The following DNAJB14 variants were observed in gnomAD, a reference collection of about 807,000 sequenced individuals.
DNAJB14 encodes the protein DnaJ heat shock protein family (Hsp40) member B14.
Under a neutral mutation model 48.4 loss-of-function variants are expected in DNAJB14, and 22 were observed. That is an observed-to-expected ratio of 0.45 (90% confidence interval 0.32 to 0.65). The LOEUF is 0.65. Ranked by LOEUF, DNAJB14 falls within the 30% of genes least tolerant of loss-of-function variation. DNAJB14 has a pLI of 0.03. For synonymous variants in DNAJB14, 142 were observed against 158.7 expected, an observed-to-expected ratio of 0.89 and a Z score of 0.79; for missense variants, 319 against 458.8, an observed-to-expected ratio of 0.70 and a Z score of 2.78.
chr4:99,899,214 G>A lies in DNAJB14; in HGVS notation c.*1814C>T, dbSNP rs1303177467. ...TCACAGAATTATCAGCCATAATAGT[G>A]TAAATTTGCCATTAAAATTAGAAAA... On this transcript the variant is annotated 3_prime_UTR_variant, in exon 8 of 8. Coordinates refer to ENST00000442697, the MANE Select transcript of DNAJB14 (RefSeq NM_001031723.4). 2 of 151,790 alleles carry A rather than the reference G, an allele frequency of 1.3e-5. No homozygotes were observed. The highest frequency in any genetic ancestry group is 4.8e-5 in the African/African-American group (2 of 41,368). The allele number at this position is 151,790 out of a possible 1,614,324, so 9.4% of individuals were successfully genotyped here.
chr4:99,931,118 A>G (rs1407675081), intron 1 of DNAJB14, among the ~76,000 whole-genome samples: 1 of 152,228 alleles, frequency 6.6e-6, no homozygotes, highest in South Asian at 2.1e-4. Context: ...TCCAACAAAT[A>G]GAAAATTTAT....
intron 3 of DNAJB14, among the ~76,000 whole-genome samples, chr4:99,913,722 T>G (rs549572782): frequency 6.6e-6 from 1 of 152,202 alleles, no homozygotes; most frequent in Admixed American, 6.5e-5. Flanking sequence ...TCTTCTATTT[T>G]CTGGAAGAGA....
intron 1 of DNAJB14, among the ~76,000 whole-genome samples, chr4:99,939,393 C>G (rs574642915): frequency 1.1e-4 from 17 of 152,214 alleles, no homozygotes; most frequent in Non-Finnish European, 2.2e-4. Context: ...TAAAATAAAA[C>G]AAAATAAATA....
At chr4:99,935,822 C>T (rs1270908855) in intron 1 of DNAJB14, among the ~76,000 whole-genome samples, 1 of 152,162 alleles carries the variant, frequency 6.6e-6, no homozygotes, top group Non-Finnish European at 1.5e-5. Flanking sequence ...AATCCCAGCA[C>T]TTTAGGAGGC....
chr4:99,903,592 T>G (rs569751408), intron 7 of DNAJB14, 134 bp downstream of exon 7: 36 of 888,562 alleles, frequency 4.1e-5, no homozygotes, highest in East Asian at 1.4e-4. Flanking sequence ...ATAAAACACA[T>G]GATCTCATTT....
chr4:99,925,045 T>C, intron 2 of DNAJB14: 2 of 478,042 alleles, frequency 4.2e-6, no homozygotes, highest in Non-Finnish European at 3.7e-6. Context: ...TACACTGTCA[T>C]CCCTTGGTAT....
chr4:99,901,295 C>T, intron 7 of DNAJB14, 143 bp from the exon 8 acceptor site: 1 of 751,256 alleles, frequency 1.3e-6, no homozygotes. Context: ...TCCTAAAAGC[C>T]ATTTTAGTAG....
At chr4:99,943,360 G>C (rs964083229) in intron 1 of DNAJB14, among the ~76,000 whole-genome samples, 1 of 152,136 alleles carries the variant, frequency 6.6e-6, no homozygotes, top group South Asian at 2.1e-4. Flanking sequence ...CAACATTCAT[G>C]TCCTTAAGAG....
intron 4 of DNAJB14, among the ~76,000 whole-genome samples, chr4:99,907,539 C>T (rs1450150587): frequency 6.6e-6 from 1 of 151,980 alleles, no homozygotes. Flanking sequence ...ATTAGCCAGA[C>T]ATGTGGTACA....
At chr4:99,929,965 A>G (rs2110214696) in intron 2 of DNAJB14, 1 of 152,314 alleles carries the variant, frequency 6.6e-6, no homozygotes, top group East Asian at 1.9e-4. Context: ...TTTCAACTCT[A>G]ACATTTCTGC....
intron 3 of DNAJB14, among the ~76,000 whole-genome samples, chr4:99,912,661 T>G (rs1387539905): frequency 1.3e-5 from 2 of 152,180 alleles, no homozygotes; most frequent in African/African-American, 2.4e-5. Context: ...GTACTTTTAG[T>G]AGAGATGGGG....
intron 3 of DNAJB14, among the ~76,000 whole-genome samples, chr4:99,918,401 A>T (rs1426870511): frequency 6.6e-6 from 1 of 152,252 alleles, no homozygotes; most frequent in Non-Finnish European, 1.5e-5. Context: ...AAACATTTAT[A>T]TGATCATAAA....
At chr4:99,931,484 AC>A (rs1726465089) in intron 1 of DNAJB14, among the ~76,000 whole-genome samples, 1 of 152,106 alleles carries the variant, frequency 6.6e-6, no homozygotes, top group Non-Finnish European at 1.5e-5. Flanking sequence ...AACATAAAAA[AC>A]ATTAACAAAA....
At chr4:99,902,676 C>T (rs1004918310) in intron 7 of DNAJB14, among the ~76,000 whole-genome samples, 1 of 152,066 alleles carries the variant, frequency 6.6e-6, no homozygotes, top group Non-Finnish European at 1.5e-5. Context: ...TACTTTATTG[C>T]CTGATTTAAT....
chr4:99,923,967 G>T, intron 2 of DNAJB14: 1 of 673,058 alleles, frequency 1.5e-6, no homozygotes, highest in Non-Finnish European at 1.8e-6. Flanking sequence ...CATTTCTAAA[G>T]ATTATATACA....
chr4:99,922,982 G>A (rs577560307), intron 3 of DNAJB14, 58 bp downstream of exon 3: 20 of 1,499,230 alleles, frequency 1.3e-5, no homozygotes, highest in South Asian at 1.2e-4. Flanking sequence ...ATTCTGAAAC[G>A]CCGTAAAGTG....
chr4:99,923,866 C>T (rs973201738), intron 2 of DNAJB14: 1 of 985,012 alleles, frequency 1.0e-6, no homozygotes, highest in South Asian at 4.7e-5. Context: ...GATAATTTAT[C>T]TGTATCACTC....
At chr4:99,943,658 C>T (rs971300493) in intron 1 of DNAJB14, among the ~76,000 whole-genome samples, 1 of 152,082 alleles carries the variant, frequency 6.6e-6, no homozygotes, top group African/African-American at 2.4e-5. Flanking sequence ...CTACCCTGCT[C>T]AAAAATAAGG....
rs1490497895 is a variant in DNAJB14, at chr4:99,896,663, ATG to A, written c.*4363_*4364del. 2.0e-5 allele frequency: 3 copies of A among 152,192 alleles called. No homozygotes were observed. Among genetic ancestry groups the A allele is most frequent in the Non-Finnish European group, 4.4e-5 (3 of 67,992 alleles). The allele number at this position is 152,192 out of a possible 1,614,324, so 9.4% of individuals were successfully genotyped here. On this transcript the variant is annotated 3_prime_UTR_variant, in exon 8 of 8. Coordinates refer to ENST00000442697, the MANE Select transcript of DNAJB14 (RefSeq NM_001031723.4). ...ACAGATAAACTGCAAAATATCATTT[ATG>A]TGTGTTTCTTCTCATTGGTTTAATC... is the stretch of plus-strand genomic sequence containing the variant.
Sources: allele counts gnomAD v4.1 joint callset (sites outside exome capture counted in the v4.1 genomes callset), GRCh38; gene constraint gnomAD v4.1.1; transcripts MANE v1.5; gene names NCBI Gene and HGNC (gene_info 2026-07-23, HGNC 2026-07-21).